The following PRKD2 variants were observed in gnomAD, a reference collection of about 807,000 sequenced individuals.
The protein encoded by PRKD2 is serine/threonine-protein kinase D2.
In PRKD2, 22 loss-of-function variants were observed where a neutral mutation model predicts 86.0. The observed-to-expected ratio is 0.26, with a 90% CI of 0.18 to 0.37. The LOEUF is 0.37. PRKD2 is among the 10% of genes least tolerant of loss of function. The pLI is 1.00. For synonymous variants in PRKD2, 509 were observed against 510.9 expected (o/e 1.00, Z 0.05); for missense variants, 818 against 1,199.2 (o/e 0.68, Z 4.70).
chr19:46,692,425 C>A (rs1398749416), intron 10 of PRKD2, among the ~76,000 whole-genome samples: 1 of 152,026 alleles, frequency 6.6e-6, no homozygotes, highest in Non-Finnish European at 1.5e-5. Context: ...AAAGTCCGAT[C>A]CTTCTGCCAT....
At chr19:46,713,740 G>T in intron 2 of PRKD2, 123 bp downstream of exon 2, 1 of 966,788 alleles carries the variant, frequency 1.0e-6, no homozygotes. Context: ...CAAAGTGCTG[G>T]GATCACAGGC....
chr19:46,691,645 G>A lies in PRKD2; in HGVS notation c.1702+90C>T, dbSNP rs564279150. The stretch of plus-strand genomic sequence containing the variant: ...GGTGAGCATGTGACCAATCAGAAAG[G>A]AAGGGTTGGAGCCAGAAAGAAAGGG... On this transcript the variant is annotated intron_variant, in intron 12 of 17. Transcript: ENST00000291281. The A allele has an allele frequency of 1.5e-4, 200 of 1,300,192 alleles. 2 individuals are homozygous for A. In the South Asian group the frequency reaches 2.3e-3, roughly 15 times the overall value. 80.5% of individuals were successfully genotyped at this position (1,300,192 alleles called of 1,614,324 possible). A position where few individuals can be genotyped will look rare whatever the true frequency, so the allele number is the denominator to read the frequency against.
At chr19:46,685,943 T>TAGA (rs2053390662) in intron 14 of PRKD2, 1 of 152,272 alleles carries the variant, frequency 6.6e-6, no homozygotes, top group Non-Finnish European at 1.5e-5. Context: ...AGCGAGACTC[T>TAGA]GTCTCAAAAA....
chr19:46,679,663 C>T (rs1302502680), intron 15 of PRKD2, among the ~76,000 whole-genome samples: 1 of 152,092 alleles, frequency 6.6e-6, no homozygotes, highest in Non-Finnish European at 1.5e-5. Flanking sequence ...CTCGCTCTGT[C>T]GCCCAGGCTG....
rs771814506 is a variant in PRKD2, at chr19:46,716,091, A to C, written c.240+40T>G. ...CCCTCTGCCAGCGCCCCCTCCTTCA[A>C]CCTCTCCCCGAGCTGGATCCAGGGA... On this transcript the variant is annotated intron_variant, in intron 1 of 17. Transcript: ENST00000291281. This position sits in a 1 kb window ranked among gnomAD's most constrained non-coding sequence, Gnocchi z 7.9. 91 of 1,597,612 alleles carry C rather than the reference A, an allele frequency of 5.7e-5. No individual in the cohort carries two copies. Among genetic ancestry groups the C allele is most frequent in the Non-Finnish European group, 7.2e-5 (85 of 1,173,108 alleles).
rs1413386361 is a variant in PRKD2, at chr19:46,690,631, C to T, written c.1778G>A (p.Ser593Asn). ...AATGGCCACTTCATTCCGGAGCTGG[C>T]TCTCCTGCTTGGTAGGGAAGCGCAG... The part of the protein sequence containing the change: ...DKLRFPTKQE[S>N]QLRNEVAILQ... Residue 593 changes from serine to asparagine, a missense_variant, in exon 13 of 18, where the codon AGC (serine) becomes AAC (asparagine). By Grantham distance (46) the Ser-to-Asn change is conservative. Around this residue, in one of 5 missense-constraint regions of PRKD2, gnomAD observed 154 missense variants for 359.6 expected, o/e 0.43. Coordinates refer to ENST00000291281, the MANE Select transcript of PRKD2 (RefSeq NM_016457.5). 1 of 1,614,088 alleles carries T rather than the reference C, an allele frequency of 6.2e-7. No homozygotes were observed. Among genetic ancestry groups the T allele is most frequent in the African/African-American group, 1.3e-5 (1 of 74,928 alleles).
At chr19:46,708,765 A>G (rs747813062) in intron 3 of PRKD2, among the ~76,000 whole-genome samples, 1 of 152,144 alleles carries the variant, frequency 6.6e-6, no homozygotes, top group Non-Finnish European at 1.5e-5. Context: ...GCCTCTCACA[A>G]TTCCAGGGAT....
chr19:46,707,216 G>A (rs778188421), intron 3 of PRKD2, among the ~76,000 whole-genome samples: 1 of 152,138 alleles, frequency 6.6e-6, no homozygotes, highest in African/African-American at 2.4e-5. Flanking sequence ...CTGTACAAGC[G>A]TGGCACCCAC....
chr19:46,681,885 G>A (rs1181568395), intron 14 of PRKD2, 137 bp from the exon 15 acceptor site: 1 of 564,482 alleles, frequency 1.8e-6, no homozygotes, highest in Non-Finnish European at 3.2e-6. Context: ...TGTAGCCCAG[G>A]CTGGAAGTGC....
chr19:46,692,814 G>C (rs774450536), intron 10 of PRKD2, among the ~76,000 whole-genome samples: 8 of 152,072 alleles, frequency 5.3e-5, no homozygotes, highest in Non-Finnish European at 8.8e-5. Flanking sequence ...TGTTTCCCCT[G>C]CCAGGAATAC....
intron 9 of PRKD2, among the ~76,000 whole-genome samples, chr19:46,695,153 T>C (rs2053538729): frequency 6.6e-6 from 1 of 151,558 alleles, no homozygotes; most frequent in African/African-American, 2.4e-5. Context: ...GCCATGATCA[T>C]GCCACTGCAC....
At chr19:46,710,790 C>A (rs1311440233) in intron 3 of PRKD2, 117 bp downstream of exon 3, 2 of 1,150,254 alleles carry the variant, frequency 1.7e-6, no homozygotes, top group East Asian at 2.6e-5. Flanking sequence ...CTAGGCTGCG[C>A]CCCCAGCTCT....
intron 14 of PRKD2, among the ~76,000 whole-genome samples, chr19:46,687,321 G>A (rs2053414882): frequency 6.6e-6 from 1 of 152,128 alleles, no homozygotes; most frequent in Non-Finnish European, 1.5e-5. Flanking sequence ...GAACCCGGGA[G>A]GTCAAGGCTG....
At chr19:46,699,508 C>A (rs1251193725) in intron 7 of PRKD2, among the ~76,000 whole-genome samples, 2 of 152,200 alleles carry the variant, frequency 1.3e-5, no homozygotes, top group Non-Finnish European at 2.9e-5. Flanking sequence ...AGGTTTATCA[C>A]CCCGTGGGGT....
At position 46,678,339 on chromosome 19, in the gene PRKD2, C is replaced by T. The variant is rs1419569344; in HGVS notation, c.2338+57G>A. ...CACCCCCCTCTCATGGCTCCGCCCA[C>T]TTCTCCAGCCCCACCCCACAACCCA... On this transcript the variant is annotated intron_variant, in intron 16 of 17. Transcript: ENST00000291281. The surrounding 1 kb of genome is among the most constrained non-coding windows in gnomAD (Gnocchi z 5.7). The T allele has an allele frequency of 1.9e-6, 3 of 1,586,614 alleles. No individual in the cohort carries two copies. The highest frequency in any genetic ancestry group is 2.6e-6 in the Non-Finnish European group (3 of 1,168,482).
chr19:46,681,582 T>TGG, intron 15 of PRKD2, 68 bp downstream of exon 15: 1 of 604,904 alleles, frequency 1.7e-6, no homozygotes. Flanking sequence ...TATAATCCCC[T>TGG]TCCCCACCCC....
At chr19:46,680,357 G>A (rs964558856) in intron 15 of PRKD2, among the ~76,000 whole-genome samples, 7 of 150,044 alleles carry the variant, frequency 4.7e-5, no homozygotes, top group Non-Finnish European at 1.0e-4. Flanking sequence ...GTGTGATCTC[G>A]GCTCACCGCA....
At chr19:46,697,681 C>T (rs2053580600) in intron 8 of PRKD2, 52 bp downstream of exon 8, 160 of 1,535,308 alleles carry the variant, frequency 1.0e-4, no homozygotes, top group Non-Finnish European at 1.4e-4. Flanking sequence ...AGCTGAGCCG[C>T]CCCTCTTCCA....
chr19:46,694,270 A>C, intron 9 of PRKD2, 137 bp from the exon 10 acceptor site: 1 of 1,193,388 alleles, frequency 8.4e-7, no homozygotes, highest in South Asian at 1.6e-5. Flanking sequence ...GTTCCCAGTA[A>C]TTCTAAGCCT....
Sources: gnomAD v4.1 joint callset for allele counts (sites outside exome capture counted in the v4.1 genomes callset) on GRCh38, gnomAD v4.1.1 for gene constraint, gnomAD v4.1.1 regional missense constraint, Gnocchi (gnomAD v3.1) non-coding constraint, MANE v1.5 for transcripts, NCBI Gene and HGNC (gene_info 2026-07-23, HGNC 2026-07-21) for gene names.